The following PCDHB1 variants were observed in gnomAD, a reference collection of about 807,000 sequenced individuals.
The protein encoded by PCDHB1 is protocadherin beta 1.
PCDHB1 carries 44 observed loss-of-function variants against 43.5 expected under a neutral mutation model. The observed-to-expected ratio is 1.01, with a 90% confidence interval of 0.79 to 1.30. The LOEUF (loss-of-function observed/expected upper bound fraction) is 1.30. PCDHB1 is among the 50% of genes most tolerant of loss of function. The pLI is 0.00. For synonymous variants in PCDHB1, 392 were observed against 400.8 expected (o/e 0.98, Z 0.26); for missense variants, 919 against 1,008.9 (o/e 0.91, Z 1.21).
Position 141,053,682 on chromosome 5 carries a change from A to C in PCDHB1, c.2212A>C (p.Asn738His). The C allele has an allele frequency of 6.2e-7, 1 of 1,614,200 alleles. No individual in the cohort carries two copies. The highest frequency in any genetic ancestry group is 8.5e-7 in the Non-Finnish European group (1 of 1,179,998). Residue 738 changes from asparagine (N) to histidine (H), a missense_variant, in exon 1 of 1, where the codon AAC (asparagine) becomes CAC (histidine). Coordinates refer to ENST00000306549, the MANE Select transcript of PCDHB1 (RefSeq NM_013340.4). ...TTTCTATGATGACTGTAATTTCTCT[A>C]ACAACCTGGTACAAGGACAAGGCAA... The part of the protein sequence containing the change: ...EHFYDDCNFS[N>H]NLVQGQGNGS...
chr5:141,051,836 G>T lies in PCDHB1; in HGVS notation c.366G>T (p.Arg122Ser). The change falls in exon 1 of 1, where the codon AGG (arginine) becomes AGT (serine). Residue 122 changes from arginine to serine, a missense_variant. Arg to Ser is a moderately radical substitution (Grantham distance 110). Coordinates refer to ENST00000306549, the MANE Select transcript of PCDHB1 (RefSeq NM_013340.4). ...TGCAGTCCTTCCGGGCCGAGGTCAG[G>T]GTATTTGATATCAATGACAATGCCC... ...EPLQSFRAEVRVFDINDNAPV... is the reference protein window; with the variant it reads ...EPLQSFRAEVSVFDINDNAPV... 6.2e-7 allele frequency: 1 copy of T among 1,614,186 alleles called. No individual in the cohort carries two copies. The highest frequency in any genetic ancestry group is 8.5e-7 in the Non-Finnish European group (1 of 1,180,028).
Position 141,051,506 on chromosome 5 carries a change from G to T in PCDHB1, c.36G>T (p.Arg12Ser). Residue 12 changes from arginine to serine, a missense_variant, in exon 1 of 1, where the codon AGG (arginine) becomes AGT (serine). By Grantham distance (110) the Arg-to-Ser change is moderately radical (BLOSUM62 -1). Transcript: ENST00000306549. ...CGCGCAGAAAATCTTTGCAAAACAG[G>T]CAAGTGGGATCTCTTCTCATTTTTC... ...AGTRRKSLQN[R>S]QVGSLLIFLC... The T allele has an allele frequency of 6.2e-7, 1 of 1,614,208 alleles. No homozygotes were observed. Among genetic ancestry groups the T allele is most frequent in the Non-Finnish European group, 8.5e-7 (1 of 1,180,032 alleles).
In PCDHB1 at chr5:141,053,180, C is replaced by T; in HGVS notation, c.1710C>T (p.Thr570=). ...TCTTATACCCACTGCAGAACGGCAC[C>T]TTGCCCTGCAATGACCTGGTGCCCA... The part of the protein sequence containing the change: ...PMILYPLQNG[T]LPCNDLVPRS... Residue 570 remains threonine, a synonymous_variant, in exon 1 of 1, where the codon ACC becomes ACT. Coordinates refer to ENST00000306549, the MANE Select transcript of PCDHB1 (RefSeq NM_013340.4). The T allele has an allele frequency of 6.2e-7, 1 of 1,614,170 alleles. No homozygotes were observed. Among genetic ancestry groups the T allele is most frequent in the Non-Finnish European group, 8.5e-7 (1 of 1,180,026 alleles).
chr5:141,051,648 G>A lies in PCDHB1; in HGVS notation c.178G>A (p.Ala60Thr). ...KDLGLEVGKL[A>T]ARGARLVSEG... ...CCTAGGACTGGAGGTAGGGAAGCTG[G>A]CTGCGCGCGGGGCGCGGCTGGTTTC... is the stretch of plus-strand genomic sequence containing the variant. Residue 60 changes from alanine to threonine, a missense_variant, in exon 1 of 1, where the codon GCT (alanine) becomes ACT (threonine). Transcript: ENST00000306549. 6.2e-7 allele frequency: 1 copy of A among 1,614,236 alleles called. No homozygotes were observed.
rs782184340 is a variant in PCDHB1 at position 141,052,280 on chromosome 5, C to T, written c.810C>T (p.Asp270=). The change falls in exon 1 of 1, where the codon GAC becomes GAT. Residue 270 remains aspartate (D), a synonymous_variant. Coordinates refer to ENST00000306549, the MANE Select transcript of PCDHB1 (RefSeq NM_013340.4). ...CCACGGTGACTGCCGTGGACCTAGA[C>T]GAGGGCACCAACAAAGCGATAACTT... ...LVATVTAVDL[D]EGTNKAITYS... 14 of 1,614,062 alleles carry T rather than the reference C, an allele frequency of 8.7e-6. No individual in the cohort carries two copies. The highest frequency in any genetic ancestry group is 7.7e-5 in the South Asian group (7 of 91,092).
Position 141,054,485 on chromosome 5 carries a change from A to T in PCDHB1, c.*558A>T, listed in dbSNP as rs1751079336. ...TGTCCCTGATGAGTGATTATCTTTG[A>T]TCAATACCTTGCCTGCAATCATTCA... is the stretch of plus-strand genomic sequence containing the variant. On this transcript the variant is annotated 3_prime_UTR_variant, in exon 1 of 1. Coordinates refer to ENST00000306549, the MANE Select transcript of PCDHB1 (RefSeq NM_013340.4). 1 of 152,498 alleles carries T rather than the reference A, an allele frequency of 6.6e-6. No homozygotes were observed. Among genetic ancestry groups the T allele is most frequent in the African/African-American group, 2.4e-5 (1 of 41,420 alleles). 9.4% of individuals were successfully genotyped at this position (152,498 alleles called of 1,614,324 possible).
Position 141,052,657 on chromosome 5 carries a change from C to A in PCDHB1, c.1187C>A (p.Pro396His). 6.2e-7 allele frequency: 1 copy of A among 1,614,126 alleles called. No individual in the cohort carries two copies. The highest frequency in any genetic ancestry group is 8.5e-7 in the Non-Finnish European group (1 of 1,180,004). ...GAAGACCTTCCCTTTGTAATCAAAC[C>A]TACATTTGGGAATTCTTACTCACTG... is the stretch of plus-strand genomic sequence containing the variant. Reference protein sequence around the residue: ...LREDLPFVIKPTFGNSYSLVT... With the variant: ...LREDLPFVIKHTFGNSYSLVT... The change falls in exon 1 of 1, where the codon CCT (proline) becomes CAT (histidine). Residue 396 changes from proline to histidine, a missense_variant. By Grantham distance (77) the Pro-to-His change is moderately conservative. Coordinates refer to ENST00000306549, the MANE Select transcript of PCDHB1 (RefSeq NM_013340.4).
rs1554267958 is a variant in PCDHB1, at chr5:141,058,012, C to A, written c.*4085C>A. On this transcript the variant is annotated 3_prime_UTR_variant, in exon 1 of 1. Coordinates refer to ENST00000306549, the MANE Select transcript of PCDHB1 (RefSeq NM_013340.4). ...CTTTTTATTAGGAAATAATTCTAGA[C>A]TCATAAAATTGCAAAAATACTATAG... 1.3e-5 allele frequency: 2 copies of A among 152,200 alleles called. No homozygotes were observed. Among genetic ancestry groups the A allele is most frequent in the African/African-American group, 4.8e-5 (2 of 41,454 alleles). The allele number at this position is 152,200 out of a possible 1,614,324, so 9.4% of individuals were successfully genotyped here. A position where few individuals can be genotyped will look rare whatever the true frequency, so the allele number is the denominator to read the frequency against.
chr5:141,052,291 A>T lies in PCDHB1; in HGVS notation c.821A>T (p.Asn274Ile). Residue 274 changes from asparagine to isoleucine, a missense_variant, in exon 1 of 1, where the codon AAC (asparagine) becomes ATC (isoleucine). Asn to Ile is a moderately radical substitution (Grantham distance 149). Coordinates refer to ENST00000306549, the MANE Select transcript of PCDHB1 (RefSeq NM_013340.4). ...VTAVDLDEGT[N>I]KAITYSLAQN... The stretch of plus-strand genomic sequence containing the variant: ...GCCGTGGACCTAGACGAGGGCACCA[A>T]CAAAGCGATAACTTACTCTTTAGCT... The T allele has an allele frequency of 6.2e-7, 1 of 1,614,232 alleles. No homozygotes were observed. The highest frequency in any genetic ancestry group is 8.5e-7 in the Non-Finnish European group (1 of 1,180,052).
In PCDHB1 at chr5:141,053,331, CA is replaced by C; in HGVS notation, c.1865del (p.Asn622MetfsTer7). 6.2e-7 allele frequency: 1 copy of C among 1,614,182 alleles called. No homozygotes were observed. Among genetic ancestry groups the C allele is most frequent in the East Asian group, 2.2e-5 (1 of 44,880 alleles). On this transcript the variant is annotated frameshift_variant, in exon 1 of 1. Transcript: ENST00000306549. LOFTEE classifies it high-confidence loss of function. ...CCTTGGGTTATTTTCTGTTCAAAGA[CA>C]AAATGGAGAAATCCATACATTAAGG... ...TDLGLFSVQR[Q>X]NGEIHTLRQI...
chr5:141,055,055 T>C lies in PCDHB1; in HGVS notation c.*1128T>C, dbSNP rs782328543. 6.6e-6 allele frequency: 1 copy of C among 152,084 alleles called. No homozygotes were observed. Among genetic ancestry groups the C allele is most frequent in the Non-Finnish European group, 1.5e-5 (1 of 68,044 alleles). The allele number at this position is 152,084 out of a possible 1,614,324, so 9.4% of individuals were successfully genotyped here. On this transcript the variant is annotated 3_prime_UTR_variant, in exon 1 of 1. Coordinates refer to ENST00000306549, the MANE Select transcript of PCDHB1 (RefSeq NM_013340.4). Reference sequence around the variant, plus strand: ...AAGTCTCAAATCTCCCTCTTTTATATCCAGATGTCTATCCTTGCAGTCCCA... The same window carrying C: ...AAGTCTCAAATCTCCCTCTTTTATACCCAGATGTCTATCCTTGCAGTCCCA...
rs1751105514 is a variant in PCDHB1 at position 141,055,094 on chromosome 5, TG to T, written c.*1168del. On this transcript the variant is annotated 3_prime_UTR_variant, in exon 1 of 1. Coordinates refer to ENST00000306549, the MANE Select transcript of PCDHB1 (RefSeq NM_013340.4). ...CTTGCAGTCCCAGAGAAAATCTATT[TG>T]AAAAAACGGAAATGGAGGGTGGGTG... The T allele has an allele frequency of 6.6e-6, 1 of 152,050 alleles. No individual in the cohort carries two copies. Among genetic ancestry groups the T allele is most frequent in the Non-Finnish European group, 1.5e-5 (1 of 68,042 alleles). The allele number at this position is 152,050 out of a possible 1,614,324, so 9.4% of individuals were successfully genotyped here.
At position 141,053,577 on chromosome 5, in the gene PCDHB1, C is replaced by T; in HGVS notation, c.2107C>T (p.Leu703Phe). The T allele has an allele frequency of 6.2e-7, 1 of 1,613,948 alleles. No homozygotes were observed. The highest frequency in any genetic ancestry group is 2.2e-5 in the East Asian group (1 of 44,882). ...TCTGGTCATCCTTTCCTTTCTCTTT[C>T]TCCTCTCTGTCATAGTGATCTTCAT... is the stretch of plus-strand genomic sequence containing the variant. ...ISLVILSFLF[L>F]LSVIVIFIIH... The change falls in exon 1 of 1, where the codon CTC (leucine) becomes TTC (phenylalanine). Residue 703 changes from leucine (L) to phenylalanine (F), a missense_variant. Leu to Phe is a conservative substitution (Grantham distance 22). Transcript: ENST00000306549.
In PCDHB1 at chr5:141,054,175, T is replaced by C; in HGVS notation, c.*248T>C. On this transcript the variant is annotated 3_prime_UTR_variant, in exon 1 of 1. Transcript: ENST00000306549. ...AGTTGGAATTCTGTTTAAAGAAATGTCACCCTCTATAAATGCATATGTGGT... is the reference window on the plus strand; with the variant it reads ...AGTTGGAATTCTGTTTAAAGAAATGCCACCCTCTATAAATGCATATGTGGT... The C allele has an allele frequency of 2.4e-6, 1 of 421,566 alleles. No homozygotes were observed. Among genetic ancestry groups the C allele is most frequent in the Non-Finnish European group, 4.2e-6 (1 of 236,688 alleles). The allele number at this position is 421,566 out of a possible 1,614,324, so 26.1% of individuals were successfully genotyped here. A position where few individuals can be genotyped will look rare whatever the true frequency, so the allele number is the denominator to read the frequency against.
At position 141,053,950 on chromosome 5, in the gene PCDHB1, G is replaced by T; in HGVS notation, c.*23G>T. The T allele has an allele frequency of 6.4e-7, 1 of 1,568,996 alleles. No homozygotes were observed. The highest frequency in any genetic ancestry group is 1.2e-5 in the South Asian group (1 of 85,752). ...TAGCTCCTATTTACAGGCTCAGTGA[G>T]AGAAGAGAAGCAAAATTTTATACTT... On this transcript the variant is annotated 3_prime_UTR_variant, in exon 1 of 1. Coordinates refer to ENST00000306549, the MANE Select transcript of PCDHB1 (RefSeq NM_013340.4).
rs913410088 is a variant in PCDHB1 at position 141,055,142 on chromosome 5, G to A, written c.*1215G>A. ...GGTGAGGAAAAAAATAAAGTATGAC[G>A]GCTGGGCACCGTGGCTCATGGCTGT... is the stretch of plus-strand genomic sequence containing the variant. On this transcript the variant is annotated 3_prime_UTR_variant, in exon 1 of 1. Coordinates refer to ENST00000306549, the MANE Select transcript of PCDHB1 (RefSeq NM_013340.4). 2.0e-5 allele frequency: 3 copies of A among 152,112 alleles called. No individual in the cohort carries two copies. The highest frequency in any genetic ancestry group is 2.9e-5 in the Non-Finnish European group (2 of 68,054). 9.4% of individuals were successfully genotyped at this position (152,112 alleles called of 1,614,324 possible). A position where few individuals can be genotyped will look rare whatever the true frequency, so the allele number is the denominator to read the frequency against.
At position 141,059,281 on chromosome 5, in the gene PCDHB1, A is replaced by G. The variant is rs559361756; in HGVS notation, c.*5354A>G. On this transcript the variant is annotated 3_prime_UTR_variant, in exon 1 of 1. Transcript: ENST00000306549. ...GCTGAAATTAGACTTACAGATATAC[A>G]AAAAATGGAATTGGTCTGTCTGATA... 6.6e-6 allele frequency: 1 copy of G among 152,312 alleles called. No individual in the cohort carries two copies. The highest frequency in any genetic ancestry group is 2.1e-4 in the South Asian group (1 of 4,830). The allele number at this position is 152,312 out of a possible 1,614,324, so 9.4% of individuals were successfully genotyped here. A position where few individuals can be genotyped will look rare whatever the true frequency, so the allele number is the denominator to read the frequency against.
rs1259761393 is a variant in PCDHB1, at chr5:141,052,388, C to A, written c.918C>A (p.Pro306=). Residue 306 remains proline (P), a synonymous_variant, in exon 1 of 1, where the codon CCC becomes CCA. Coordinates refer to ENST00000306549, the MANE Select transcript of PCDHB1 (RefSeq NM_013340.4). ...ATGGAGAAGTTCGACTAAGAGGACC[C>A]CTCGATTTTGAAGCCATTGAAACAT... The part of the protein sequence containing the change: ...PQNGEVRLRG[P]LDFEAIETYD... 12 of 1,614,052 alleles carry A rather than the reference C, an allele frequency of 7.4e-6. No individual in the cohort carries two copies. Among genetic ancestry groups the A allele is most frequent in the African/African-American group, 1.3e-5 (1 of 74,916 alleles).
In PCDHB1 at chr5:141,051,969, C is replaced by T. The variant is rs563916297; in HGVS notation, c.499C>T (p.Leu167Phe). The change falls in exon 1 of 1, where the codon CTC (leucine) becomes TTC (phenylalanine). Residue 167 changes from leucine (L) to phenylalanine (F), a missense_variant. Leu to Phe is a conservative substitution (Grantham distance 22, BLOSUM62 0). Coordinates refer to ENST00000306549, the MANE Select transcript of PCDHB1 (RefSeq NM_013340.4). ...AQDLDVGLNG[L>F]QNYTLSANGY... ...GGATCTGGACGTGGGCCTTAACGGT[C>T]TCCAGAACTACACCCTGAGTGCCAA... The T allele has an allele frequency of 1.2e-6, 2 of 1,614,170 alleles. No individual in the cohort carries two copies. Among genetic ancestry groups the T allele is most frequent in the South Asian group, 1.1e-5 (1 of 91,076 alleles).
Sources: gnomAD v4.1 joint callset for allele counts on GRCh38, gnomAD v4.1.1 for gene constraint, MANE v1.5 for transcripts, NCBI Gene and HGNC (gene_info 2026-07-23, HGNC 2026-07-21) for gene names.